WDR88: variants seen among roughly 807,000 people sequenced by gnomAD.
WDR88 encodes the protein WD repeat-containing protein 88.
WDR88 carries 40 observed loss-of-function variants against 46.8 expected under a neutral mutation model. That is an observed-to-expected ratio of 0.86 (90% CI 0.66 to 1.11). WDR88 has a LOEUF of 1.11. Ranked by LOEUF, WDR88 falls within the 50% of genes most tolerant of loss-of-function variation. The pLI, the probability that WDR88 is intolerant of heterozygous loss-of-function variation, is 0.00. For synonymous variants in WDR88, 235 were observed against 240.7 expected (o/e 0.98, Z 0.22); for missense variants, 562 against 602.4 (o/e 0.93, Z 0.70).
In WDR88 at chr19:33,157,513, GTATATATATGTGTATA is replaced by G. The variant is rs1252106758; in HGVS notation, c.997+981_997+996del. Among the ~76,000 whole-genome samples, 10 of 92,708 alleles carry G rather than the reference GTATATATATGTGTATA, an allele frequency of 1.1e-4. No individual in the cohort carries two copies. The East Asian group carries it at 3.6e-3, about 33-fold the overall frequency. The allele number at this position is 92,708 out of a possible 152,430, so 60.8% of individuals were successfully genotyped here. ...ACTCTGTCTCAATATATATATATAT[GTATATATATGTGTATA>G]TATATATATATGTATATATATGTGT... On this transcript the variant is annotated intron_variant, in intron 7 of 10. Transcript: ENST00000355868.
intron 9 of WDR88, among the ~76,000 whole-genome samples, chr19:33,171,656 T>C (rs1974040349): frequency 6.6e-6 from 1 of 151,542 alleles, no homozygotes; most frequent in Non-Finnish European, 1.5e-5. Context: ...CAGGACTGCA[T>C]TCCTTTCAGG....
intron 3 of WDR88, among the ~76,000 whole-genome samples, chr19:33,146,480 C>T (rs1368400341): frequency 2.3e-5 from 2 of 86,718 alleles, no homozygotes; most frequent in Admixed American, 1.7e-4. Flanking sequence ...TCCTTCCTTC[C>T]TTCCTTCCTT....
chr19:33,174,861 T>C (rs1242951084), intron 10 of WDR88: 3 of 984,130 alleles, frequency 3.0e-6, no homozygotes, highest in Non-Finnish European at 2.4e-6. Flanking sequence ...AGACATGAGC[T>C]GGCAGGACCT....
chr19:33,175,553 G>C lies in WDR88; in HGVS notation c.1400G>C (p.Arg467Thr), dbSNP rs761958145. ...SSERENSPPP[R>T]GSKDD ...GAAAGGGAGAACTCACCGCCGCCAA[G>C]GGGAAGCAAGGATGACTGACAGCCA... The change falls in exon 11 of 11, where the codon AGG becomes ACG. Residue 467 changes from arginine to threonine, a missense_variant. Transcript: ENST00000355868. 5.9e-5 allele frequency: 95 copies of C among 1,614,202 alleles called. No individual in the cohort carries two copies. The South Asian group carries it at 9.3e-4, about 16-fold the overall frequency.
chr19:33,147,210 G>T (rs558902229), intron 3 of WDR88, among the ~76,000 whole-genome samples: 1 of 151,650 alleles, frequency 6.6e-6, no homozygotes, highest in East Asian at 1.9e-4. Flanking sequence ...GGACTGCAGC[G>T]TGGATGACAG....
chr19:33,174,171 T>A (rs1974086599), intron 10 of WDR88: 1 of 1,536,070 alleles, frequency 6.5e-7, no homozygotes, highest in Non-Finnish European at 8.7e-7. Context: ...AATCTATTTC[T>A]TGCAAAAAAG....
intron 2 of WDR88, chr19:33,142,663 C>A (rs1226499886): frequency 6.6e-6 from 1 of 151,468 alleles, no homozygotes; most frequent in Non-Finnish European, 1.5e-5. Flanking sequence ...AGACAAGAGC[C>A]CTTTGGCCAA....
intron 8 of WDR88, among the ~76,000 whole-genome samples, chr19:33,162,449 G>A (rs1231915557): frequency 2.0e-5 from 3 of 151,534 alleles, no homozygotes; most frequent in Non-Finnish European, 2.9e-5. Flanking sequence ...TCCTGACCTC[G>A]TGATCTATCC....
intron 6 of WDR88, among the ~76,000 whole-genome samples, chr19:33,152,163 T>C (rs1973647685): frequency 6.6e-6 from 1 of 151,396 alleles, no homozygotes; most frequent in African/African-American, 2.4e-5. Flanking sequence ...ATCCGGGAGG[T>C]GGAGGTTGCA....
intron 7 of WDR88, 102 bp from the exon 8 acceptor site, chr19:33,160,312 G>A (rs895731507): frequency 1.8e-6 from 2 of 1,129,398 alleles, no homozygotes; most frequent in Non-Finnish European, 1.3e-6. Context: ...TGTTGTCAGA[G>A]TGAGATGAGG....
At chr19:33,157,697 A>G (rs1472726348) in intron 7 of WDR88, among the ~76,000 whole-genome samples, 7 of 3,614 alleles carry the variant, frequency 1.9e-3, no homozygotes, top group Non-Finnish European at 3.9e-3. Context: ...GTATATATAT[A>G]TATATATATA....
At position 33,150,645 on chromosome 19, in the gene WDR88, G is replaced by A. The variant is rs562185145; in HGVS notation, c.680-536G>A. Among the ~76,000 whole-genome samples the A allele has an allele frequency of 1.2e-3, 188 of 152,144 alleles. 1 individual carries two copies. Among genetic ancestry groups the A allele is most frequent in the African/African-American group, 4.3e-3 (179 of 41,434 alleles). ...TATGTGCTTTGTGTTTCTTTTTATC[G>A]ATGTGGCACTATGCCATGTGCACTG... On this transcript the variant is annotated intron_variant, in intron 5 of 10. Transcript: ENST00000355868.
chr19:33,135,871 T>TTTTCTTTCTTTC (rs200259433), intron 1 of WDR88, among the ~76,000 whole-genome samples: 21 of 151,960 alleles, frequency 1.4e-4, no homozygotes, highest in African/African-American at 4.8e-4. Flanking sequence ...TTTGGTTTTC[T>TTTTCTTTCTTTC]TTTCTTTCTT....
At chr19:33,158,016 G>A (rs1568367903) in intron 7 of WDR88, among the ~76,000 whole-genome samples, 1 of 152,052 alleles carries the variant, frequency 6.6e-6, no homozygotes, top group Non-Finnish European at 1.5e-5. Context: ...GGCAAGGAGT[G>A]TTTCCCCACA....
chr19:33,153,229 G>GT (rs35860325), intron 6 of WDR88, among the ~76,000 whole-genome samples: 2,157 of 129,440 alleles, frequency 0.017, 45 homozygotes, highest in African/African-American at 0.042. Context: ...TTTTAAGTTT[G>GT]TTTTTTTTTT....
chr19:33,152,321 A>C (rs1485804175), intron 6 of WDR88, among the ~76,000 whole-genome samples: 1 of 152,046 alleles, frequency 6.6e-6, no homozygotes, highest in African/African-American at 2.4e-5. Flanking sequence ...CATTCATTAC[A>C]TTCACAGTGT....
At chr19:33,148,607 A>G (rs566575201) in intron 4 of WDR88, among the ~76,000 whole-genome samples, 165 bp from the exon 5 acceptor site, 2 of 152,190 alleles carry the variant, frequency 1.3e-5, no homozygotes. Flanking sequence ...CACCTGGCTC[A>G]TGTTTTACTT....
At chr19:33,174,051 C>G (rs555458494) in intron 10 of WDR88, 2 of 880,868 alleles carry the variant, frequency 2.3e-6, no homozygotes, top group Non-Finnish European at 3.5e-6. Flanking sequence ...GGGGTTTCAC[C>G]ATGTTGGCCA....
At chr19:33,152,682 A>C (rs759062512) in intron 6 of WDR88, among the ~76,000 whole-genome samples, 16 of 150,382 alleles carry the variant, frequency 1.1e-4, no homozygotes, top group South Asian at 2.1e-4. Context: ...GCTCACTGCA[A>C]CCTCTGCCTC....
Sources: gnomAD v4.1 joint callset for allele counts (sites outside exome capture counted in the v4.1 genomes callset) on GRCh38, gnomAD v4.1.1 for gene constraint, MANE v1.5 for transcripts, NCBI Gene and HGNC (gene_info 2026-07-23, HGNC 2026-07-21) for gene names.